The following PDE7A variants were observed in gnomAD, a reference collection of about 807,000 sequenced individuals.
PDE7A encodes the protein high affinity 3',5'-cyclic-AMP phosphodiesterase 7A.
PDE7A carries 39 observed loss-of-function variants against 64.3 expected under a neutral mutation model. The ratio of observed to expected loss-of-function variants is 0.61; its 90% CI spans 0.47 to 0.79. The LOEUF (loss-of-function observed/expected upper bound fraction) is 0.79. PDE7A is among the 30% of genes least tolerant of loss of function. The pLI is 0.00. For missense variants in PDE7A, 470 were observed against 582.8 expected, an observed-to-expected ratio of 0.81 and a Z score of 1.99; for synonymous variants, 203 against 206.8, an observed-to-expected ratio of 0.98 and a Z score of 0.16.
At chr8:65,765,674 C>G (rs1808744961) in intron 3 of PDE7A, 1 of 151,970 alleles carries the variant, frequency 6.6e-6, no homozygotes, top group African/African-American at 2.4e-5. Context: ...GCAGAGAGAC[C>G]AGGCCCTCCA....
At chr8:65,818,739 T>C (rs1402440991) in intron 1 of PDE7A, among the ~76,000 whole-genome samples, 1 of 152,244 alleles carries the variant, frequency 6.6e-6, no homozygotes, top group Non-Finnish European at 1.5e-5. Context: ...CTAAGGTCTC[T>C]GTTGAGCACA....
At chr8:65,789,904 T>A (rs531490501) in intron 1 of PDE7A, among the ~76,000 whole-genome samples, 1 of 152,196 alleles carries the variant, frequency 6.6e-6, no homozygotes, top group Non-Finnish European at 1.5e-5. Flanking sequence ...TGCAATTTAG[T>A]TGGAGTGTAC....
At chr8:65,760,419 T>C (rs1247972565) in intron 3 of PDE7A, among the ~76,000 whole-genome samples, 1 of 152,202 alleles carries the variant, frequency 6.6e-6, no homozygotes, top group East Asian at 1.9e-4. Flanking sequence ...TCCTTATAAC[T>C]AAATTTTTGT....
rs34371328 is a variant in PDE7A at position 65,762,991 on chromosome 8, ATGTGTGTGTG to A, written c.284-15198_284-15189del. Among the ~76,000 whole-genome samples the A allele has an allele frequency of 4.3e-3, 594 of 138,586 alleles. 2 individuals are homozygous for A. The highest frequency in any genetic ancestry group is 0.012 in the African/African-American group (449 of 37,656). The allele number at this position is 138,586 out of a possible 152,430, so 90.9% of individuals were successfully genotyped here. A position where few individuals can be genotyped will look rare whatever the true frequency, so the allele number is the denominator to read the frequency against. ...ATCTCTTTATATTTATATAAAAACA[ATGTGTGTGTG>A]TGTGTGTGTGTGTGTGTGTGTGTGT... is the stretch of plus-strand genomic sequence containing the variant. On this transcript the variant is annotated intron_variant, in intron 3 of 12. Transcript: ENST00000401827.
At chr8:65,797,001 T>C (rs1294310935) in intron 1 of PDE7A, among the ~76,000 whole-genome samples, 2 of 152,176 alleles carry the variant, frequency 1.3e-5, no homozygotes, top group Non-Finnish European at 2.9e-5. Flanking sequence ...ACAAGTTTGA[T>C]ATTAAAAAAA....
At chr8:65,731,340 T>G (rs1415824630) in intron 7 of PDE7A, among the ~76,000 whole-genome samples, 1 of 152,204 alleles carries the variant, frequency 6.6e-6, no homozygotes, top group Non-Finnish European at 1.5e-5. Flanking sequence ...CAGGCTCTTT[T>G]GTCAACTGCC....
Position 65,739,541 on chromosome 8 carries a change from A to C in PDE7A, c.556T>G (p.Tyr186Asp). The change falls in exon 6 of 13, where the codon TAC (tyrosine) becomes GAC (aspartate). Residue 186 changes from tyrosine to aspartate, a missense_variant. Tyr to Asp is a radical substitution (Grantham distance 160). Transcript: ENST00000401827. ...AGTTTCATCATATCTAAATGGAAGT[A>C]CTCAATTAATCCATGAAGACTAAAT... ...HLFSLHGLIE[Y>D]FHLDMMKLRR... 1 of 1,572,010 alleles carries C rather than the reference A, an allele frequency of 6.4e-7. No homozygotes were observed. Among genetic ancestry groups the C allele is most frequent in the Non-Finnish European group, 8.6e-7 (1 of 1,163,684 alleles).
intron 1 of PDE7A, among the ~76,000 whole-genome samples, chr8:65,789,949 A>G (rs908927446): frequency 3.0e-4 from 45 of 152,246 alleles, no homozygotes; most frequent in African/African-American, 1.1e-3. Flanking sequence ...ACAAAATTGC[A>G]ACTGTAACAA....
chr8:65,768,084 G>C (rs1808885053), intron 3 of PDE7A, among the ~76,000 whole-genome samples: 1 of 152,160 alleles, frequency 6.6e-6, no homozygotes, highest in South Asian at 2.1e-4. Context: ...CCACCGCTTG[G>C]TGTGTTGGGA....
chr8:65,769,999 A>C (rs1808999173), intron 3 of PDE7A, among the ~76,000 whole-genome samples: 1 of 152,204 alleles, frequency 6.6e-6, no homozygotes, highest in African/African-American at 2.4e-5. Context: ...ATACTCTTAA[A>C]AATTTTTGTC....
chr8:65,837,873 T>C (rs1810984827), intron 1 of PDE7A, among the ~76,000 whole-genome samples: 1 of 152,180 alleles, frequency 6.6e-6, no homozygotes, highest in Admixed American at 6.5e-5. Context: ...GCAGGCTGTC[T>C]CCGTGTCGGC....
intron 3 of PDE7A, among the ~76,000 whole-genome samples, chr8:65,748,705 G>A (rs1208267681): frequency 6.6e-6 from 1 of 152,112 alleles, no homozygotes; most frequent in East Asian, 1.9e-4. Context: ...ATTCTCTCTT[G>A]CATATCCAGT....
intron 1 of PDE7A, among the ~76,000 whole-genome samples, chr8:65,787,876 A>G (rs150516782): frequency 0.011 from 1,601 of 152,304 alleles, 21 homozygotes; most frequent in South Asian, 0.015. Flanking sequence ...ATAACTTGGC[A>G]AGCCAATCCT....
chr8:65,747,950 A>G, intron 3 of PDE7A, 147 bp from the exon 4 acceptor site: 1 of 484,766 alleles, frequency 2.1e-6, no homozygotes, highest in Non-Finnish European at 3.6e-6. Flanking sequence ...GTGATACTTT[A>G]TTTCTATTTT....
rs1276480165 is a variant in PDE7A, at chr8:65,726,894, G to A, written c.901C>T (p.His301Tyr). The change falls in exon 9 of 13, where the codon CAT becomes TAT. Residue 301 changes from histidine to tyrosine, a missense_variant. His to Tyr is a moderately conservative substitution (Grantham distance 83, BLOSUM62 2). Transcript: ENST00000401827. ...ACCTACCTGCTTTCTAATGGCAGAT[G>A]TGAGAATAAGCCTGATTCTCTCAAT... Reference protein sequence around the residue: ...GLLRESGLFSHLPLESRQQME... With the variant: ...GLLRESGLFSYLPLESRQQME... The A allele has an allele frequency of 5.0e-6, 8 of 1,596,418 alleles. No homozygotes were observed. Among genetic ancestry groups the A allele is most frequent in the Non-Finnish European group, 8.6e-7 (1 of 1,164,866 alleles).
At position 65,792,548 on chromosome 8, in the gene PDE7A, T is replaced by C. The variant is rs567551974; in HGVS notation, c.139-9705A>G. ...CCAAATTAGGCTAACCTCATCTGCA[T>C]TGACATCAGTGTCTATAATTTTGGA... On this transcript the variant is annotated intron_variant, in intron 1 of 12. Transcript: ENST00000401827. Among the ~76,000 whole-genome samples, 3 of 152,370 alleles carry C rather than the reference T, an allele frequency of 2.0e-5. No homozygotes were observed. In the East Asian group the frequency reaches 5.8e-4, roughly 29 times the overall value.
chr8:65,767,818 A>G (rs1808869131), intron 3 of PDE7A, among the ~76,000 whole-genome samples: 1 of 152,162 alleles, frequency 6.6e-6, no homozygotes. Context: ...ATCCTTGATA[A>G]TAAACTGGTA....
chr8:65,840,188 T>C (rs1390845604), intron 1 of PDE7A, among the ~76,000 whole-genome samples: 1 of 152,240 alleles, frequency 6.6e-6, no homozygotes, highest in Admixed American at 6.5e-5. Context: ...TGACACATTA[T>C]AGTAATTTTC....
chr8:65,840,994 G>A (rs1811070212), intron 1 of PDE7A, among the ~76,000 whole-genome samples: 1 of 152,252 alleles, frequency 6.6e-6, no homozygotes, highest in African/African-American at 2.4e-5. Flanking sequence ...AGGGGGACAG[G>A]TATGTTGCAA....
Sources: allele counts gnomAD v4.1 joint callset (sites outside exome capture counted in the v4.1 genomes callset), GRCh38; gene constraint gnomAD v4.1.1; transcripts MANE v1.5; gene names NCBI Gene and HGNC (gene_info 2026-07-23, HGNC 2026-07-21).